Variants in AGBL4 observed in about 807,000 individuals in gnomAD.
AGBL4 encodes the protein AGBL carboxypeptidase 4.
AGBL4 carries 58 observed loss-of-function variants against 66.4 expected under a neutral mutation model. The ratio of observed to expected loss-of-function variants is 0.87; its 90% CI spans 0.71 to 1.09. The LOEUF is 1.09. Ranked by LOEUF, AGBL4 falls within the 50% of genes least tolerant of loss-of-function variation. The pLI is 0.00. For missense variants in AGBL4, 579 were observed against 631.0 expected (o/e 0.92, Z 0.88); for synonymous variants, 234 against 222.9 (o/e 1.05, Z -0.44).
chr1:48,717,414 C>A (rs770709317), intron 6 of AGBL4, among the ~76,000 whole-genome samples: 12 of 152,242 alleles, frequency 7.9e-5, no homozygotes, highest in Non-Finnish European at 1.3e-4. Context: ...TGCTTTCTTA[C>A]TATACATTAT....
chr1:49,237,646 A>C (rs909451129), intron 4 of AGBL4, among the ~76,000 whole-genome samples: 1 of 150,078 alleles, frequency 6.7e-6, no homozygotes, highest in South Asian at 2.1e-4. Context: ...CCTTATTTTA[A>C]GTCCCTTTAC....
intron 4 of AGBL4, among the ~76,000 whole-genome samples, chr1:49,122,828 A>G (rs973343791): frequency 6.6e-6 from 1 of 152,112 alleles, no homozygotes; most frequent in Non-Finnish European, 1.5e-5. Flanking sequence ...GAATGGTTCA[A>G]TATCTGTTAG....
chr1:48,699,713 C>G (rs1646771693), intron 6 of AGBL4, among the ~76,000 whole-genome samples: 1 of 152,132 alleles, frequency 6.6e-6, no homozygotes, highest in Non-Finnish European at 1.5e-5. Flanking sequence ...AGCATTGAAC[C>G]TCAGTTGTCC....
intron 6 of AGBL4, among the ~76,000 whole-genome samples, chr1:48,799,875 T>C (rs1220065824): frequency 2.0e-5 from 3 of 152,222 alleles, no homozygotes; most frequent in African/African-American, 7.2e-5. Flanking sequence ...ATTGTCTTTT[T>C]GATATGCTGT....
intron 6 of AGBL4, among the ~76,000 whole-genome samples, chr1:48,862,237 C>T (rs1328514823): frequency 6.6e-6 from 1 of 152,176 alleles, no homozygotes; most frequent in African/African-American, 2.4e-5. Context: ...GCACATGGAC[C>T]TCCCCAACCT....
intron 11 of AGBL4, among the ~76,000 whole-genome samples, chr1:48,561,469 C>G (rs1325343785): frequency 3.9e-5 from 6 of 152,190 alleles, no homozygotes; most frequent in Non-Finnish European, 8.8e-5. Context: ...GAAAATGTCT[C>G]AAGAGCCAAT....
intron 1 of AGBL4, among the ~76,000 whole-genome samples, chr1:49,933,316 C>G (rs1336870321): frequency 6.6e-6 from 1 of 152,044 alleles, no homozygotes; most frequent in Non-Finnish European, 1.5e-5. Context: ...CCCAGCATAA[C>G]TGTCCTTCAA....
chr1:48,550,436 G>A (rs1263650704), intron 11 of AGBL4, among the ~76,000 whole-genome samples: 2 of 152,078 alleles, frequency 1.3e-5, no homozygotes, highest in African/African-American at 2.4e-5. Flanking sequence ...TCCCTCTTCA[G>A]TGTATGTCAG....
intron 1 of AGBL4, among the ~76,000 whole-genome samples, chr1:50,000,615 T>G (rs546010803): frequency 6.6e-6 from 1 of 152,138 alleles, no homozygotes; most frequent in South Asian, 2.1e-4. Context: ...AAAAGACACT[T>G]GTACAGGCAC....
chr1:49,822,933 A>G (rs1427994096), intron 2 of AGBL4, among the ~76,000 whole-genome samples: 1 of 152,196 alleles, frequency 6.6e-6, no homozygotes, highest in Non-Finnish European at 1.5e-5. Context: ...ATAAGTTGAA[A>G]GAATATGTAA....
intron 3 of AGBL4, among the ~76,000 whole-genome samples, chr1:49,596,917 G>C (rs897406184): frequency 6.6e-6 from 1 of 152,206 alleles, no homozygotes; most frequent in African/African-American, 2.4e-5. Flanking sequence ...TCTCAGACGA[G>C]TGTTCAATAG....
intron 1 of AGBL4, among the ~76,000 whole-genome samples, chr1:49,898,427 C>T (rs1310303599): frequency 6.6e-6 from 1 of 151,914 alleles, no homozygotes; most frequent in African/African-American, 2.4e-5. Flanking sequence ...ATCATCTCAC[C>T]CCAGTTAAAA....
At chr1:48,578,323 A>C (rs1644685516) in intron 11 of AGBL4, among the ~76,000 whole-genome samples, 2 of 152,156 alleles carry the variant, frequency 1.3e-5, no homozygotes, top group African/African-American at 4.8e-5. Flanking sequence ...TCATTCATTC[A>C]GCCAGATAGT....
chr1:49,479,630 C>T (rs1424305041), intron 3 of AGBL4, among the ~76,000 whole-genome samples: 4 of 151,668 alleles, frequency 2.6e-5, no homozygotes, highest in Admixed American at 6.6e-5. Context: ...GCAAAGGACA[C>T]GATCTCTTTC....
chr1:48,534,013 G>A lies in AGBL4; in HGVS notation c.*160C>T. On this transcript the variant is annotated 3_prime_UTR_variant, in exon 14 of 14. Coordinates refer to ENST00000371839, the MANE Select transcript of AGBL4 (RefSeq NM_032785.4). ...TACAATTGATTTTCCATTGGAAAAA[G>A]GGAAAATCAGTGATGAAGTTTCTCA... 8.2e-7 allele frequency: 1 copy of A among 1,220,356 alleles called. No homozygotes were observed. The highest frequency in any genetic ancestry group is 1.2e-6 in the Non-Finnish European group (1 of 860,500). The allele number at this position is 1,220,356 out of a possible 1,614,324, so 75.6% of individuals were successfully genotyped here.
chr1:48,846,271 A>G (rs1473326356), intron 6 of AGBL4, among the ~76,000 whole-genome samples: 1 of 152,042 alleles, frequency 6.6e-6, no homozygotes, highest in Admixed American at 6.6e-5. Context: ...GTACTGCTAC[A>G]TGCTAAATAC....
intron 4 of AGBL4, among the ~76,000 whole-genome samples, chr1:49,194,673 CA>C (rs1405423881): frequency 6.6e-6 from 1 of 152,048 alleles, no homozygotes; most frequent in African/African-American, 2.4e-5. Flanking sequence ...TATAGCTCCC[CA>C]CAGCCAAGTT....
At chr1:49,396,548 G>A (rs1214471239) in intron 3 of AGBL4, among the ~76,000 whole-genome samples, 1 of 152,018 alleles carries the variant, frequency 6.6e-6, no homozygotes, top group Non-Finnish European at 1.5e-5. Flanking sequence ...GCAAAAATAT[G>A]AAAAAATAAA....
chr1:49,561,453 C>T (rs939346660), intron 3 of AGBL4, among the ~76,000 whole-genome samples: 3 of 151,738 alleles, frequency 2.0e-5, no homozygotes, highest in African/African-American at 7.3e-5. Flanking sequence ...GCTATCCGTC[C>T]CCCCTCCCCC....
Sources: gnomAD v4.1 joint callset for allele counts (sites outside exome capture counted in the v4.1 genomes callset) on GRCh38, gnomAD v4.1.1 for gene constraint, MANE v1.5 for transcripts, NCBI Gene and HGNC (gene_info 2026-07-23, HGNC 2026-07-21) for gene names.